KCNK10: variants seen among roughly 807,000 people sequenced by gnomAD.
KCNK10 encodes potassium channel subfamily K member 10.
A neutral mutation model predicts 47.7 loss-of-function variants in KCNK10; 25 were observed. The ratio of observed to expected loss-of-function variants is 0.52; its 90% CI spans 0.38 to 0.73. KCNK10 has a LOEUF of 0.73. Among genes scored for constraint, KCNK10 ranks in the 30% least tolerant of loss-of-function variants. The probability of loss-of-function intolerance (pLI) is 0.00; values close to 1 mark genes in which losing one functional copy is unlikely to be tolerated. For synonymous variants in KCNK10, 303 were observed against 285.6 expected, an observed-to-expected ratio of 1.06 and a Z score of -0.61; for missense variants, 563 against 714.5, an observed-to-expected ratio of 0.79 and a Z score of 2.42.
chr14:88,289,678 GCT>G (rs1331731431), intron 1 of KCNK10, among the ~76,000 whole-genome samples: 1 of 152,238 alleles, frequency 6.6e-6, no homozygotes, highest in African/African-American at 2.4e-5. Context: ...AATTGTTCAA[GCT>G]TAGAATCAGA....
At chr14:88,192,149 C>T (rs548904368) in intron 5 of KCNK10, 75 bp downstream of exon 5, 211 of 1,378,098 alleles carry the variant, frequency 1.5e-4, no homozygotes, top group Non-Finnish European at 1.9e-4. Context: ...CATCTTTTAT[C>T]GATTGCGAAA....
rs113603828 is a variant in KCNK10, at chr14:88,305,028, C to A, written c.52+17719G>T. 5.9e-5 allele frequency among the ~76,000 whole-genome samples: 9 copies of A among 152,118 alleles called. No individual in the cohort carries two copies. The East Asian group carries it at 1.5e-3, about 26-fold the overall frequency. The stretch of plus-strand genomic sequence containing the variant: ...GCCTGGCCAATGTGGTGAAACCCCA[C>A]CTCTACCAAAAAATACAAAAGTTAG... On this transcript the variant is annotated intron_variant, in intron 1 of 6. Transcript: ENST00000319231.
intron 1 of KCNK10, among the ~76,000 whole-genome samples, chr14:88,306,992 A>G (rs1371294683): frequency 6.6e-6 from 1 of 152,126 alleles, no homozygotes; most frequent in Non-Finnish European, 1.5e-5. Flanking sequence ...AACCACAGCA[A>G]TTCCTCAGGA....
chr14:88,324,212 A>C (rs1006777231), upstream of KCNK10, among the ~76,000 whole-genome samples: 6 of 152,220 alleles, frequency 3.9e-5, no homozygotes, highest in African/African-American at 7.2e-5. Flanking sequence ...AAGGGGCTAA[A>C]CCTGGAGCAT....
chr14:88,236,000 A>C (rs1886288401), intron 3 of KCNK10, among the ~76,000 whole-genome samples: 1 of 152,204 alleles, frequency 6.6e-6, no homozygotes, highest in Non-Finnish European at 1.5e-5. Context: ...ACAGAAGAGC[A>C]ACACCTGTGA....
At chr14:88,268,211 G>A (rs1887318319) in intron 1 of KCNK10, among the ~76,000 whole-genome samples, 1 of 152,208 alleles carries the variant, frequency 6.6e-6, no homozygotes, top group African/African-American at 2.4e-5. Context: ...GCTGAAGTTA[G>A]CTGTCTGAGG....
intron 1 of KCNK10, among the ~76,000 whole-genome samples, chr14:88,303,904 C>T (rs1007329737): frequency 3.3e-5 from 5 of 152,182 alleles, no homozygotes; most frequent in Admixed American, 6.5e-5. Context: ...CCCTCCTTCA[C>T]GCTTTCACAG....
intron 4 of KCNK10, among the ~76,000 whole-genome samples, chr14:88,199,971 C>T (rs191213118): frequency 6.6e-6 from 1 of 152,054 alleles, no homozygotes; most frequent in African/African-American, 2.4e-5. Flanking sequence ...TTCTTTCTTT[C>T]TCTTTCTTTC....
intron 1 of KCNK10, chr14:88,270,948 A>C (rs1229882280): frequency 4.3e-6 from 3 of 698,660 alleles, no homozygotes; most frequent in Non-Finnish European, 7.8e-6. Context: ...GCGCCTGCCT[A>C]TCTCACAGGC....
chr14:88,199,166 C>G (rs111910684), intron 4 of KCNK10, among the ~76,000 whole-genome samples: 1 of 152,062 alleles, frequency 6.6e-6, no homozygotes, highest in African/African-American at 2.4e-5. Context: ...GTGATCCACC[C>G]GCCTCGGTCT....
At position 88,181,071 on chromosome 14, in the gene KCNK10, T is replaced by C. The variant is rs973447739; in HGVS notation, c.*4464A>G. On this transcript the variant is annotated 3_prime_UTR_variant, in exon 7 of 7. Coordinates refer to ENST00000319231, the MANE Select transcript of KCNK10 (RefSeq NM_138317.3). ...CAGAGATGTGGAATGCAACACTGGCTGGTTTTTCCTTTCTCGTTTTACAGG... is the reference window on the plus strand; with the variant it reads ...CAGAGATGTGGAATGCAACACTGGCCGGTTTTTCCTTTCTCGTTTTACAGG... 1.1e-5 allele frequency: 4 copies of C among 374,728 alleles called. No homozygotes were observed. Among genetic ancestry groups the C allele is most frequent in the Non-Finnish European group, 1.4e-5 (3 of 211,564 alleles). The allele number at this position is 374,728 out of a possible 1,614,324, so 23.2% of individuals were successfully genotyped here. A position where few individuals can be genotyped will look rare whatever the true frequency, so the allele number is the denominator to read the frequency against.
rs567740466 is a variant in KCNK10 at position 88,306,015 on chromosome 14, T to C, written c.52+16732A>G. Among the ~76,000 whole-genome samples the C allele has an allele frequency of 2.6e-5, 4 of 152,172 alleles. No individual in the cohort carries two copies. The South Asian group carries it at 6.2e-4, about 24-fold the overall frequency. On this transcript the variant is annotated intron_variant, in intron 1 of 6. Transcript: ENST00000319231. The stretch of plus-strand genomic sequence containing the variant: ...CCTGCCTTCCATGGGAGCAGCAAAG[T>C]AGGCTCAGTCAAGAAAAAGGCAAAA...
At chr14:88,235,043 A>G (rs953814755) in intron 3 of KCNK10, 61 of 455,124 alleles carry the variant, frequency 1.3e-4, no homozygotes, top group Non-Finnish European at 2.6e-4. Context: ...AGCATGAAAC[A>G]TAGGATAAAG....
intron 1 of KCNK10, among the ~76,000 whole-genome samples, chr14:88,266,873 G>A (rs992918942): frequency 3.6e-4 from 55 of 152,222 alleles, no homozygotes; most frequent in African/African-American, 1.3e-3. Context: ...CATCATGGAT[G>A]CTTCCCAAGC....
rs149339866 is a variant in KCNK10, at chr14:88,314,080, C to G, written c.52+8667G>C. Among the ~76,000 whole-genome samples the G allele has an allele frequency of 1.8e-3, 278 of 152,276 alleles. 7 individuals are homozygous for G. The South Asian group carries it at 0.042, about 23-fold the overall frequency. On this transcript the variant is annotated intron_variant, in intron 1 of 6. Transcript: ENST00000319231. ...GATCTTTATTTTACCCAAAAGAAAA[C>G]TAATGCTAGGAAAGGTTAGGTGACT... is the stretch of plus-strand genomic sequence containing the variant.
rs746262902 is a variant in KCNK10, at chr14:88,185,810, C to T, written c.1357G>A (p.Gly453Arg). 4.3e-6 allele frequency: 7 copies of T among 1,614,018 alleles called. No individual in the cohort carries two copies. Among genetic ancestry groups the T allele is most frequent in the Middle Eastern group, 1.6e-4 (1 of 6,084 alleles). The change falls in exon 7 of 7, where the codon GGG becomes AGG. Residue 453 changes from glycine (G) to arginine (R), a missense_variant. Coordinates refer to ENST00000319231, the MANE Select transcript of KCNK10 (RefSeq NM_138317.3). This position sits in a 1 kb window ranked among gnomAD's most constrained non-coding sequence, Gnocchi z 4.3. ...CTCTTGGTGAGTCTGGAGGTGGACC[C>T]GAACTTGTTGATGATGTTGTCCTCG... The part of the protein sequence containing the change: ...ASEDNIINKF[G>R]STSRLTKRKN...
At chr14:88,250,146 T>C (rs1022281236) in intron 2 of KCNK10, among the ~76,000 whole-genome samples, 3 of 152,224 alleles carry the variant, frequency 2.0e-5, no homozygotes, top group African/African-American at 7.2e-5. Context: ...AATTCTCATT[T>C]GCAAATTCAT....
chr14:88,260,647 G>A lies in KCNK10; in HGVS notation c.402+2555C>T, dbSNP rs549166913. ...GTTGGAAAGTTACTCACCTCTTTAAGGAAACTGATGTTTCCTCCCCTGTAA... is the reference window on the plus strand; with the variant it reads ...GTTGGAAAGTTACTCACCTCTTTAAAGAAACTGATGTTTCCTCCCCTGTAA... On this transcript the variant is annotated intron_variant, in intron 2 of 6. Coordinates refer to ENST00000319231, the MANE Select transcript of KCNK10 (RefSeq NM_138317.3). The surrounding 1 kb of genome is among the most constrained non-coding windows in gnomAD (Gnocchi z 4.5). Among the ~76,000 whole-genome samples the A allele has an allele frequency of 7.2e-5, 11 of 152,256 alleles. No individual in the cohort carries two copies. In the South Asian group the frequency reaches 1.2e-3, roughly 17 times the overall value.
intron 2 of KCNK10, among the ~76,000 whole-genome samples, chr14:88,254,495 T>C (rs888257249): frequency 2.0e-5 from 3 of 152,136 alleles, no homozygotes; most frequent in Non-Finnish European, 4.4e-5. Context: ...CTGGGAAACA[T>C]CAGAATTCAT....
Sources: gnomAD v4.1 joint callset for allele counts (sites outside exome capture counted in the v4.1 genomes callset) on GRCh38, gnomAD v4.1.1 for gene constraint, Gnocchi (gnomAD v3.1) non-coding constraint, MANE v1.5 for transcripts, NCBI Gene and HGNC (gene_info 2026-07-23, HGNC 2026-07-21) for gene names.